Variants in CNTN4 observed in about 807,000 individuals in gnomAD.
The protein encoded by CNTN4 is contactin 4.
CNTN4 carries 77 observed loss-of-function variants against 122.5 expected under a neutral mutation model. The ratio of observed to expected loss-of-function variants is 0.63; its 90% CI spans 0.52 to 0.76. CNTN4 has a LOEUF of 0.76. Among genes scored for constraint, CNTN4 ranks in the 30% least tolerant of loss-of-function variants. The pLI, the probability that CNTN4 is intolerant of heterozygous loss-of-function variation, is 0.00. For synonymous variants in CNTN4, 512 were observed against 447.0 expected (o/e 1.15, Z -1.83); for missense variants, 1,256 against 1,259.1 (o/e 1.00, Z 0.04).
intron 6 of CNTN4, among the ~76,000 whole-genome samples, chr3:2,781,871 C>CG (rs1224889538): frequency 7.9e-5 from 7 of 88,724 alleles, no homozygotes; most frequent in Non-Finnish European, 1.5e-4. Flanking sequence ...ACTGCAGGCG[C>CG]CCGCACCACG....
chr3:2,494,325 A>G (rs1273367627), intron 3 of CNTN4, among the ~76,000 whole-genome samples: 1 of 152,190 alleles, frequency 6.6e-6, no homozygotes, highest in Non-Finnish European at 1.5e-5. Flanking sequence ...GGTTTTGTCC[A>G]GAAAGGTGGT....
chr3:2,137,770 A>C (rs2034772410), intron 2 of CNTN4, among the ~76,000 whole-genome samples: 1 of 152,230 alleles, frequency 6.6e-6, no homozygotes, highest in South Asian at 2.1e-4. Flanking sequence ...CAGTCTTGGA[A>C]GATGAAAAGG....
rs578096937 is a variant in CNTN4, at chr3:2,444,273, A to G, written c.-89+105040A>G. ...AGAACATCAGGTAATGAAAAGTGCT[A>G]TGAAGATAAAACGAGGCAGAGTAGA... On this transcript the variant is annotated intron_variant, in intron 3 of 24. Coordinates refer to ENST00000418658, the MANE Select transcript of CNTN4 (RefSeq NM_175607.3). 2.6e-5 allele frequency among the ~76,000 whole-genome samples: 4 copies of G among 151,918 alleles called. No individual in the cohort carries two copies. The South Asian group carries it at 6.3e-4, about 24-fold the overall frequency.
At chr3:2,678,752 A>G (rs1337923199) in intron 4 of CNTN4, among the ~76,000 whole-genome samples, 1 of 152,196 alleles carries the variant, frequency 6.6e-6, no homozygotes, top group Non-Finnish European at 1.5e-5. Flanking sequence ...TGAGATAGCA[A>G]GGAAACTTCA....
intron 14 of CNTN4, among the ~76,000 whole-genome samples, chr3:2,994,483 A>C (rs1052055967): frequency 6.6e-6 from 1 of 151,932 alleles, no homozygotes; most frequent in African/African-American, 2.4e-5. Context: ...TACAAGCCGA[A>C]AAGGTTCCTG....
chr3:2,416,395 G>A (rs1032730138), intron 3 of CNTN4, among the ~76,000 whole-genome samples: 19 of 152,016 alleles, frequency 1.2e-4, no homozygotes, highest in Admixed American at 3.9e-4. Context: ...GAATATCTGC[G>A]TTATATAACA....
rs561598589 is a variant in CNTN4, at chr3:2,384,358, A to G, written c.-89+45125A>G. ...TCTAGCCGTGGCATGCTTCCACCAA[A>G]GTTCTCATCTTACCATCTTACCTCT... On this transcript the variant is annotated intron_variant, in intron 3 of 24. Transcript: ENST00000418658. 1.3e-5 allele frequency among the ~76,000 whole-genome samples: 2 copies of G among 152,244 alleles called. 1 individual carries two copies. The highest frequency in any genetic ancestry group is 4.1e-4 in the South Asian group (2 of 4,824).
intron 2 of CNTN4, among the ~76,000 whole-genome samples, chr3:2,217,308 C>T (rs1038171784): frequency 5.3e-5 from 8 of 152,138 alleles, no homozygotes; most frequent in African/African-American, 1.7e-4. Context: ...TCTGACTGGG[C>T]TCCCTGTCTT....
intron 3 of CNTN4, among the ~76,000 whole-genome samples, chr3:2,350,678 G>A (rs989932103): frequency 1.3e-5 from 2 of 151,998 alleles, no homozygotes; most frequent in African/African-American, 4.8e-5. Context: ...TTAAGTTTTT[G>A]TTCATGAAGT....
intron 4 of CNTN4, among the ~76,000 whole-genome samples, chr3:2,573,501 A>G (rs780779595): frequency 6.6e-5 from 10 of 152,172 alleles, no homozygotes; most frequent in Non-Finnish European, 1.2e-4. Flanking sequence ...AACTTCTCAT[A>G]ATGACTCTGG....
intron 3 of CNTN4, among the ~76,000 whole-genome samples, chr3:2,381,569 C>T (rs938525812): frequency 1.3e-5 from 2 of 152,078 alleles, no homozygotes; most frequent in Admixed American, 6.6e-5. Flanking sequence ...TATGTAAAAG[C>T]GCTTAGGAGA....
chr3:2,924,883 A>G (rs905434342), intron 12 of CNTN4, among the ~76,000 whole-genome samples: 1 of 152,208 alleles, frequency 6.6e-6, no homozygotes, highest in Admixed American at 6.5e-5. Flanking sequence ...GAAGAGTGCT[A>G]TGGGACAAAG....
intron 2 of CNTN4, among the ~76,000 whole-genome samples, chr3:2,211,691 T>G (rs1427487341): frequency 6.6e-6 from 1 of 152,170 alleles, no homozygotes; most frequent in Non-Finnish European, 1.5e-5. Flanking sequence ...TTTTCTTGGT[T>G]GTTAGTTTAA....
chr3:2,467,105 TC>T (rs2075529723), intron 3 of CNTN4, among the ~76,000 whole-genome samples: 1 of 151,158 alleles, frequency 6.6e-6, no homozygotes, highest in South Asian at 2.1e-4. Flanking sequence ...TACATATTTT[TC>T]CCATTGGATG....
At chr3:2,995,547 C>T (rs1032360752) in intron 14 of CNTN4, among the ~76,000 whole-genome samples, 1 of 152,206 alleles carries the variant, frequency 6.6e-6, no homozygotes, top group African/African-American at 2.4e-5. Context: ...TATGCCAACT[C>T]TGTCTTTCGT....
intron 7 of CNTN4, among the ~76,000 whole-genome samples, chr3:2,834,222 G>A (rs144820840): frequency 1.3e-5 from 2 of 152,202 alleles, no homozygotes; most frequent in African/African-American, 4.8e-5. Flanking sequence ...ATAGATGTAA[G>A]AAATAAAAAT....
intron 3 of CNTN4, among the ~76,000 whole-genome samples, chr3:2,414,046 C>T (rs916265132): frequency 2.0e-5 from 3 of 152,072 alleles, no homozygotes; most frequent in African/African-American, 7.2e-5. Context: ...CTCCATCACC[C>T]CATAGACAGT....
chr3:2,536,442 T>A (rs1199943638), intron 3 of CNTN4, among the ~76,000 whole-genome samples: 1 of 152,158 alleles, frequency 6.6e-6, no homozygotes, highest in Non-Finnish European at 1.5e-5. Context: ...TTGGAAGAGC[T>A]TGACCTGAAA....
chr3:2,254,909 C>G (rs926009918), intron 2 of CNTN4, among the ~76,000 whole-genome samples: 2 of 152,106 alleles, frequency 1.3e-5, no homozygotes, highest in African/African-American at 4.8e-5. Context: ...ATTTGTCCAT[C>G]TTGGCTTTTG....
Sources: gnomAD v4.1 joint callset for allele counts (sites outside exome capture counted in the v4.1 genomes callset) on GRCh38, gnomAD v4.1.1 for gene constraint, MANE v1.5 for transcripts, NCBI Gene and HGNC (gene_info 2026-07-23, HGNC 2026-07-21) for gene names.